Variants in CNGB3 observed in about 807,000 individuals in gnomAD.
CNGB3 encodes cyclic nucleotide gated channel subunit beta 3.
CNGB3 carries 86 observed loss-of-function variants against 92.8 expected under a neutral mutation model. The observed-to-expected ratio is 0.93, with a 90% CI of 0.78 to 1.11. CNGB3 has a LOEUF of 1.11. Among genes scored for constraint, CNGB3 ranks in the 50% least tolerant of loss-of-function variants. The pLI is 0.00. For missense variants in CNGB3, 1,026 were observed against 956.8 expected (o/e 1.07, Z -0.95); for synonymous variants, 333 against 332.7 (o/e 1.00, Z -0.01).
At chr8:86,596,556 T>C (rs1250638745) in intron 15 of CNGB3, among the ~76,000 whole-genome samples, 1 of 152,208 alleles carries the variant, frequency 6.6e-6, no homozygotes, top group Admixed American at 6.5e-5. Flanking sequence ...GATAATTACA[T>C]TCACTTATTT....
At chr8:86,648,025 C>A (rs1823323149) in intron 7 of CNGB3, 138 bp from the exon 8 acceptor site, 3 of 707,548 alleles carry the variant, frequency 4.2e-6, no homozygotes, top group African/African-American at 1.8e-5. Context: ...TTTCAATTAA[C>A]TATGCATGGG....
rs546349126 is a variant in CNGB3, at chr8:86,646,625, G to A, written c.990+1176C>T. Among the ~76,000 whole-genome samples, 8 of 151,220 alleles carry A rather than the reference G, an allele frequency of 5.3e-5. No homozygotes were observed. The South Asian group carries it at 1.7e-3, about 31-fold the overall frequency. ...ACAGACAGCTGCAACTATTATTGTC[G>A]TTGTTGTTGTCAGGATCTGCTGGTG... On this transcript the variant is annotated intron_variant, in intron 8 of 17. Transcript: ENST00000320005.
intron 3 of CNGB3, among the ~76,000 whole-genome samples, chr8:86,703,371 T>C (rs1437895709): frequency 6.6e-6 from 1 of 152,126 alleles, no homozygotes; most frequent in Non-Finnish European, 1.5e-5. Context: ...GAGAGGAAAA[T>C]AAGTGCTTTA....
chr8:86,619,326 G>T (rs1822680111), intron 13 of CNGB3, among the ~76,000 whole-genome samples: 1 of 152,188 alleles, frequency 6.6e-6, no homozygotes. Flanking sequence ...TCAGAAATGA[G>T]GGGAAATTGC....
chr8:86,580,150 C>T (rs1276883000), intron 15 of CNGB3, among the ~76,000 whole-genome samples: 1 of 145,218 alleles, frequency 6.9e-6, no homozygotes, highest in East Asian at 2.0e-4. Context: ...TTAAAACCAT[C>T]AGCTCTCCTG....
chr8:86,665,799 ATGTCCAGTACC>A (rs1270523233), intron 6 of CNGB3, among the ~76,000 whole-genome samples: 1 of 152,176 alleles, frequency 6.6e-6, no homozygotes, highest in African/African-American at 2.4e-5. Context: ...ATTGGGTACT[ATGTCCAGTACC>A]TGGGCCAATC....
chr8:86,615,854 G>A (rs1306460476), intron 13 of CNGB3, among the ~76,000 whole-genome samples: 1 of 152,038 alleles, frequency 6.6e-6, no homozygotes, highest in East Asian at 1.9e-4. Flanking sequence ...TAGGGAGGGA[G>A]GAAGGAGAAT....
intron 8 of CNGB3, among the ~76,000 whole-genome samples, chr8:86,645,760 G>C (rs574942920): frequency 5.9e-5 from 9 of 151,378 alleles, no homozygotes; most frequent in Admixed American, 5.9e-4. Flanking sequence ...ATTTAAATGT[G>C]TGGTAATTTG....
At chr8:86,716,441 A>C (rs886860331) in intron 3 of CNGB3, among the ~76,000 whole-genome samples, 7 of 152,238 alleles carry the variant, frequency 4.6e-5, no homozygotes, top group African/African-American at 7.2e-5. Context: ...AGTCAAGATG[A>C]AGGAAAAAAT....
chr8:86,605,546 C>T (rs1230940189), intron 14 of CNGB3, among the ~76,000 whole-genome samples: 1 of 152,098 alleles, frequency 6.6e-6, no homozygotes, highest in African/African-American at 2.4e-5. Flanking sequence ...TCTCATTAAC[C>T]ATACTTTGAA....
chr8:86,703,465 A>G (rs1824592644), intron 3 of CNGB3, among the ~76,000 whole-genome samples: 1 of 152,062 alleles, frequency 6.6e-6, no homozygotes, highest in Non-Finnish European at 1.5e-5. Flanking sequence ...CCCCTTAGCC[A>G]TTGTTTTCCT....
chr8:86,609,115 T>C (rs1384953296), intron 14 of CNGB3, among the ~76,000 whole-genome samples: 6 of 152,222 alleles, frequency 3.9e-5, no homozygotes, highest in Non-Finnish European at 7.3e-5. Context: ...ATGAATGTGA[T>C]GTGAAGAAGA....
chr8:86,660,491 C>A, intron 6 of CNGB3: 1 of 526,662 alleles, frequency 1.9e-6, no homozygotes, highest in Non-Finnish European at 3.9e-6. Context: ...GGAAAGGAAG[C>A]ATGGCCAGGT....
chr8:86,649,122 A>G (rs368025300), intron 7 of CNGB3, among the ~76,000 whole-genome samples: 6 of 151,782 alleles, frequency 4.0e-5, no homozygotes, highest in South Asian at 4.1e-4. Context: ...ATGAGGTTAA[A>G]GATCTCTACA....
At chr8:86,706,978 G>C (rs1824662498) in intron 3 of CNGB3, among the ~76,000 whole-genome samples, 1 of 152,140 alleles carries the variant, frequency 6.6e-6, no homozygotes. Context: ...TATAAAATCA[G>C]ACATGAAGCT....
At chr8:86,607,422 C>A (rs62528583) in intron 14 of CNGB3, among the ~76,000 whole-genome samples, 1 of 152,002 alleles carries the variant, frequency 6.6e-6, no homozygotes, top group African/African-American at 2.4e-5. Context: ...CTGGAGATAG[C>A]GCCCTTCAAA....
rs117710279 is a variant in CNGB3 at position 86,576,565 on chromosome 8, T to C, written c.2104-435A>G. On this transcript the variant is annotated intron_variant, in intron 17 of 17. Transcript: ENST00000320005. The stretch of plus-strand genomic sequence containing the variant: ...AGTAGGGTTTTCCTCTTGCCTAAGC[T>C]TGTGGGAGAACCTCAGGGAGAAACT... Among the ~76,000 whole-genome samples, 348 of 152,336 alleles carry C rather than the reference T, an allele frequency of 2.3e-3. 3 individuals are homozygous for C. Among genetic ancestry groups the C allele is most frequent in the South Asian group, 0.013 (65 of 4,822 alleles).
chr8:86,741,439 G>A (rs912579432), intron 1 of CNGB3, among the ~76,000 whole-genome samples: 2 of 152,080 alleles, frequency 1.3e-5, no homozygotes, highest in East Asian at 1.9e-4. Context: ...CAAGGTGGGC[G>A]GAACACCTGA....
intron 11 of CNGB3, among the ~76,000 whole-genome samples, chr8:86,630,515 A>G (rs1185857786): frequency 1.3e-5 from 2 of 152,148 alleles, no homozygotes; most frequent in African/African-American, 2.4e-5. Flanking sequence ...AGAGTATGAG[A>G]GGAAGAAAAA....
Sources: allele counts gnomAD v4.1 joint callset (sites outside exome capture counted in the v4.1 genomes callset), GRCh38; gene constraint gnomAD v4.1.1; transcripts MANE v1.5; gene names NCBI Gene and HGNC (gene_info 2026-07-23, HGNC 2026-07-21).